Variants in GABBR2 observed in about 807,000 individuals in gnomAD.
The protein encoded by GABBR2 is gamma-aminobutyric acid type B receptor subunit 2.
In GABBR2, 23 loss-of-function variants were observed where a neutral mutation model predicts 105.6. That is an observed-to-expected ratio of 0.22 (90% CI 0.16 to 0.31). The LOEUF (loss-of-function observed/expected upper bound fraction) is 0.31, where lower values mean the gene tolerates loss of function less well. GABBR2 is among the 10% of genes least tolerant of loss of function. The pLI, the probability that GABBR2 is intolerant of heterozygous loss-of-function variation, is 1.00. For synonymous variants in GABBR2, 478 were observed against 499.7 expected (o/e 0.96, Z 0.58); for missense variants, 734 against 1,245.5 (o/e 0.59, Z 6.18).
At chr9:98,683,766 T>C (rs1222206732) in intron 1 of GABBR2, among the ~76,000 whole-genome samples, 2 of 151,938 alleles carry the variant, frequency 1.3e-5, no homozygotes, top group East Asian at 3.9e-4. Flanking sequence ...TCCTAGCACT[T>C]TGGGAGGCCG....
intron 1 of GABBR2, among the ~76,000 whole-genome samples, chr9:98,593,898 G>A (rs1238149106): frequency 6.6e-6 from 1 of 152,178 alleles, no homozygotes; most frequent in African/African-American, 2.4e-5. Context: ...GGACATGGTG[G>A]TCACTCCCCC....
At chr9:98,706,897 G>A (rs1830901929) in intron 1 of GABBR2, among the ~76,000 whole-genome samples, 1 of 152,198 alleles carries the variant, frequency 6.6e-6, no homozygotes, top group Non-Finnish European at 1.5e-5. Context: ...CACAGAACTT[G>A]AGATGCTCAG....
At chr9:98,327,367 C>G (rs1044905699) in intron 13 of GABBR2, among the ~76,000 whole-genome samples, 1 of 152,072 alleles carries the variant, frequency 6.6e-6, no homozygotes, top group Non-Finnish European at 1.5e-5. Context: ...TGCTCAAAAC[C>G]CACAGCGGCT....
rs568079527 is a variant in GABBR2 at position 98,431,284 on chromosome 9, C to T, written c.1236+22697G>A. On this transcript the variant is annotated intron_variant, in intron 7 of 18. Transcript: ENST00000259455. ...TTTCTTTTGGAATAGCAACCATTGT[C>T]TTCTGACAACCTGTATACTTTTCTC... Among the ~76,000 whole-genome samples the T allele has an allele frequency of 2.3e-3, 346 of 152,252 alleles. 1 individual carries two copies. Among genetic ancestry groups the T allele is most frequent in the African/African-American group, 8.0e-3 (333 of 41,566 alleles).
intron 4 of GABBR2, among the ~76,000 whole-genome samples, chr9:98,491,107 T>G (rs867326949): frequency 3.3e-5 from 5 of 152,184 alleles, no homozygotes; most frequent in Admixed American, 1.3e-4. Flanking sequence ...GGCTTTTCTT[T>G]CTTTATTTCA....
At chr9:98,677,342 A>G (rs72731080) in intron 1 of GABBR2, among the ~76,000 whole-genome samples, 2,001 of 152,368 alleles carry the variant, frequency 0.013, 26 homozygotes, top group Non-Finnish European at 0.018. Context: ...TCAAAAGCGA[A>G]GAGCCCTGGT....
At chr9:98,395,841 A>G (rs1832278659) in intron 8 of GABBR2, among the ~76,000 whole-genome samples, 1 of 151,968 alleles carries the variant, frequency 6.6e-6, no homozygotes, top group Non-Finnish European at 1.5e-5. Context: ...CCCAGGGAAG[A>G]GCAGGCTTGA....
chr9:98,625,169 C>T (rs959067772), intron 1 of GABBR2, among the ~76,000 whole-genome samples: 1 of 151,646 alleles, frequency 6.6e-6, no homozygotes, highest in Non-Finnish European at 1.5e-5. Flanking sequence ...TATAACCCAG[C>T]CCATGCCCCA....
At chr9:98,432,580 ATCTTCAGTTTCC>A (rs1825832575) in intron 7 of GABBR2, among the ~76,000 whole-genome samples, 1 of 152,176 alleles carries the variant, frequency 6.6e-6, no homozygotes, top group Non-Finnish European at 1.5e-5. Flanking sequence ...CAACCCATTG[ATCTTCAGTTTCC>A]TCTTCTATAA....
intron 4 of GABBR2, among the ~76,000 whole-genome samples, chr9:98,490,641 G>C (rs1827158278): frequency 6.6e-6 from 1 of 152,198 alleles, no homozygotes; most frequent in South Asian, 2.1e-4. Flanking sequence ...CCCCATGGTT[G>C]AAATAATGTA....
intron 9 of GABBR2, among the ~76,000 whole-genome samples, chr9:98,389,851 G>A (rs77338378): frequency 0.011 from 1,671 of 152,286 alleles, 32 homozygotes; most frequent in African/African-American, 0.038. Context: ...GGTTTCTGCT[G>A]TGGAATTGTG....
At chr9:98,577,127 CATGGATGG>C (rs754291458) in intron 2 of GABBR2, among the ~76,000 whole-genome samples, 3 of 10,964 alleles carry the variant, frequency 2.7e-4, no homozygotes, top group East Asian at 2.1e-3. Context: ...TGGGTGGATG[CATGGATGG>C]ATGGATGGAT....
intron 1 of GABBR2, among the ~76,000 whole-genome samples, chr9:98,696,515 T>C (rs1229820598): frequency 1.3e-5 from 2 of 152,172 alleles, no homozygotes; most frequent in Non-Finnish European, 2.9e-5. Context: ...GGGGTGCCCA[T>C]CCACACCATC....
intron 1 of GABBR2, among the ~76,000 whole-genome samples, chr9:98,665,313 C>CA (rs1564145492): frequency 6.6e-6 from 1 of 151,004 alleles, no homozygotes; most frequent in Non-Finnish European, 1.5e-5. Flanking sequence ...GCTTGCTCAA[C>CA]AAAAAAAGAA....
chr9:98,618,485 C>CAT (rs1829619615), intron 1 of GABBR2, among the ~76,000 whole-genome samples: 2 of 73,160 alleles, frequency 2.7e-5, no homozygotes, highest in South Asian at 1.3e-3. Context: ...AGGTCTGCTG[C>CAT]ATCTCTCTCT....
At chr9:98,556,836 G>A (rs573345412) in intron 2 of GABBR2, among the ~76,000 whole-genome samples, 2 of 152,258 alleles carry the variant, frequency 1.3e-5, no homozygotes, top group East Asian at 3.9e-4. Flanking sequence ...CTTGAGCCTA[G>A]GAAGTGGAGA....
At chr9:98,646,577 A>G (rs1830031033) in intron 1 of GABBR2, among the ~76,000 whole-genome samples, 1 of 152,140 alleles carries the variant, frequency 6.6e-6, no homozygotes, top group Non-Finnish European at 1.5e-5. Context: ...CAAATTATCG[A>G]GCCTAGAGGT....
intron 1 of GABBR2, among the ~76,000 whole-genome samples, chr9:98,694,496 C>T (rs1298387537): frequency 6.6e-6 from 1 of 152,206 alleles, no homozygotes; most frequent in Non-Finnish European, 1.5e-5. Context: ...AACCTCAGTT[C>T]CCTGAAGAAC....
chr9:98,490,047 C>T (rs1226493536), intron 4 of GABBR2, among the ~76,000 whole-genome samples: 3 of 152,124 alleles, frequency 2.0e-5, no homozygotes, highest in Admixed American at 6.5e-5. Context: ...GAGCCGAGAT[C>T]GTGCCACCGC....
Sources: allele counts gnomAD v4.1 joint callset (sites outside exome capture counted in the v4.1 genomes callset), GRCh38; gene constraint gnomAD v4.1.1; transcripts MANE v1.5; gene names NCBI Gene and HGNC (gene_info 2026-07-23, HGNC 2026-07-21).